The following COL22A1 variants were observed in gnomAD, a reference collection of about 807,000 sequenced individuals.
COL22A1 encodes collagen type XXII alpha 1 chain, also known as collagen alpha-1(XXII) chain.
In COL22A1, 221 loss-of-function variants were observed where a neutral mutation model predicts 248.9. The observed-to-expected ratio is 0.89, with a 90% CI of 0.80 to 0.99. The LOEUF is 0.99. COL22A1 is among the 50% of genes least tolerant of loss of function. The pLI is 0.00. For synonymous variants in COL22A1, 891 were observed against 793.4 expected (o/e 1.12, Z -2.07); for missense variants, 2,240 against 2,179.0 (o/e 1.03, Z -0.56).
intron 11 of COL22A1, among the ~76,000 whole-genome samples, chr8:138,802,445 T>TA (rs1289985490): frequency 2.0e-5 from 3 of 151,682 alleles, no homozygotes; most frequent in African/African-American, 4.8e-5. Context: ...CTTGGAGAAT[T>TA]AGACACAGTT....
At chr8:138,769,202 G>A (rs978188871) in intron 16 of COL22A1, among the ~76,000 whole-genome samples, 27 of 152,264 alleles carry the variant, frequency 1.8e-4, no homozygotes, top group Admixed American at 7.2e-4. Context: ...AGGGCCTGGC[G>A]TGCAGTGATG....
intron 23 of COL22A1, among the ~76,000 whole-genome samples, chr8:138,726,297 G>A (rs1830301484): frequency 6.6e-6 from 1 of 151,898 alleles, no homozygotes; most frequent in Non-Finnish European, 1.5e-5. Context: ...TTTGAGACTA[G>A]ACTGGGCAAA....
chr8:138,760,864 C>T (rs1217169329), intron 17 of COL22A1, among the ~76,000 whole-genome samples: 1 of 152,150 alleles, frequency 6.6e-6, no homozygotes, highest in Non-Finnish European at 1.5e-5. Flanking sequence ...TGAGCTTCCC[C>T]AGCTCCTGCA....
At chr8:138,808,861 C>T (rs1316862524) in intron 9 of COL22A1, among the ~76,000 whole-genome samples, 1 of 152,234 alleles carries the variant, frequency 6.6e-6, no homozygotes, top group East Asian at 1.9e-4. Context: ...CTAGCGCCCA[C>T]AAGAGTGCCT....
At chr8:138,829,023 G>A (rs1381580596) in intron 5 of COL22A1, among the ~76,000 whole-genome samples, 1 of 152,244 alleles carries the variant, frequency 6.6e-6, no homozygotes, top group East Asian at 1.9e-4. Flanking sequence ...AGACAGACAG[G>A]AAGGGAAGTG....
intron 3 of COL22A1, among the ~76,000 whole-genome samples, chr8:138,853,572 G>T (rs1407410894): frequency 6.6e-6 from 1 of 152,190 alleles, no homozygotes; most frequent in African/African-American, 2.4e-5. Context: ...AAGTTGGGGT[G>T]CCATGAGAGA....
intron 27 of COL22A1, among the ~76,000 whole-genome samples, chr8:138,719,893 G>A (rs1829740519): frequency 6.6e-6 from 1 of 152,226 alleles, no homozygotes; most frequent in East Asian, 1.9e-4. Flanking sequence ...TAGAGCGGGA[G>A]CCCTGTGGGT....
chr8:138,595,122 C>T (rs1817415366), intron 62 of COL22A1, among the ~76,000 whole-genome samples: 1 of 152,046 alleles, frequency 6.6e-6, no homozygotes, highest in African/African-American at 2.4e-5. Context: ...TACCCAAGGC[C>T]CCCGGCGTTT....
At chr8:138,834,170 G>A (rs1563824637) in intron 4 of COL22A1, among the ~76,000 whole-genome samples, 1 of 152,106 alleles carries the variant, frequency 6.6e-6, no homozygotes, top group Non-Finnish European at 1.5e-5. Context: ...CTCAGACACT[G>A]GGGAAAGCTC....
intron 3 of COL22A1, among the ~76,000 whole-genome samples, chr8:138,857,073 G>C (rs111345395): frequency 6.6e-6 from 1 of 151,240 alleles, no homozygotes; most frequent in Non-Finnish European, 1.5e-5. Context: ...CTTGCTGTCC[G>C]CATCCCCATT....
intron 41 of COL22A1, among the ~76,000 whole-genome samples, chr8:138,673,949 C>T (rs894616464): frequency 6.6e-6 from 1 of 152,146 alleles, no homozygotes; most frequent in Admixed American, 6.5e-5. Flanking sequence ...TCTCCCTTTG[C>T]AGAACAACTC....
intron 22 of COL22A1, among the ~76,000 whole-genome samples, chr8:138,747,577 A>G (rs1832226603): frequency 6.6e-6 from 1 of 152,144 alleles, no homozygotes; most frequent in Non-Finnish European, 1.5e-5. Context: ...AGTTTGGCCA[A>G]TGTCCTCACC....
chr8:138,608,101 T>A, intron 56 of COL22A1, 112 bp from the exon 57 acceptor site: 2 of 856,172 alleles, frequency 2.3e-6, no homozygotes, highest in Non-Finnish European at 3.6e-6. Context: ...TCTGTTACTC[T>A]AGCCAGTGTG....
chr8:138,862,313 C>T (rs373661728), intron 3 of COL22A1, among the ~76,000 whole-genome samples: 2 of 152,132 alleles, frequency 1.3e-5, no homozygotes, highest in Non-Finnish European at 2.9e-5. Flanking sequence ...AAATTCTTCC[C>T]GTGGCCACAA....
At chr8:138,862,327 C>G (rs1822546075) in intron 3 of COL22A1, among the ~76,000 whole-genome samples, 1 of 152,160 alleles carries the variant, frequency 6.6e-6, no homozygotes, top group Non-Finnish European at 1.5e-5. Context: ...GCCACAACAC[C>G]CTAGGGAAGT....
chr8:138,689,163 G>GT (rs1030956197), intron 36 of COL22A1, among the ~76,000 whole-genome samples, 193 bp from the exon 37 acceptor site: 46 of 145,636 alleles, frequency 3.2e-4, no homozygotes, highest in East Asian at 1.2e-3. Flanking sequence ...TCTCCCGGGG[G>GT]GGGGGCTGGC....
At chr8:138,865,436 G>A (rs1489667401) in intron 3 of COL22A1, among the ~76,000 whole-genome samples, 1 of 151,470 alleles carries the variant, frequency 6.6e-6, no homozygotes, top group African/African-American at 2.4e-5. Context: ...CGTGTGTGGT[G>A]TGTTTGTATG....
intron 60 of COL22A1, among the ~76,000 whole-genome samples, chr8:138,599,681 T>C (rs1046218020): frequency 1.3e-5 from 2 of 152,054 alleles, no homozygotes; most frequent in African/African-American, 4.8e-5. Flanking sequence ...ACTATGATCA[T>C]GCCACTGCAC....
At chr8:138,602,283 C>T (rs140295000) in intron 59 of COL22A1, 124 bp from the exon 60 acceptor site, 32 of 912,806 alleles carry the variant, frequency 3.5e-5, no homozygotes, top group Admixed American at 1.4e-4. Context: ...TAAGGTCCCC[C>T]GAGGGCTCCT....
Sources: gnomAD v4.1 joint callset for allele counts (sites outside exome capture counted in the v4.1 genomes callset) on GRCh38, gnomAD v4.1.1 for gene constraint, MANE v1.5 for transcripts, NCBI Gene and HGNC (gene_info 2026-07-23, HGNC 2026-07-21) for gene names.